CHD2: variants seen among roughly 807,000 people sequenced by gnomAD.
CHD2 encodes chromodomain helicase DNA binding protein 2.
A neutral mutation model predicts 243.9 loss-of-function variants in CHD2; 28 were observed. That is an observed-to-expected ratio of 0.11 (90% CI 0.09 to 0.16). The LOEUF is 0.16. Ranked by LOEUF, CHD2 falls within the 10% of genes least tolerant of loss-of-function variation. The pLI, the probability that CHD2 is intolerant of heterozygous loss-of-function variation, is 1.00. For synonymous variants in CHD2, 775 were observed against 779.0 expected (o/e 0.99, Z 0.09); for missense variants, 1,386 against 2,209.8 (o/e 0.63, Z 7.47).
intron 16 of CHD2, among the ~76,000 whole-genome samples, chr15:92,957,834 A>T (rs1197410876): frequency 1.3e-5 from 2 of 152,192 alleles, no homozygotes; most frequent in African/African-American, 4.8e-5. Context: ...CTGCTTCCAC[A>T]TATAGCCTTA....
At chr15:92,940,890 A>AT (rs1491589163) in intron 7 of CHD2, among the ~76,000 whole-genome samples, 4 of 45,890 alleles carry the variant, frequency 8.7e-5, no homozygotes, top group Admixed American at 3.3e-4. Flanking sequence ...AAATATATAT[A>AT]AAAATATATA....
chr15:92,996,602 T>C (rs374393562), intron 28 of CHD2, among the ~76,000 whole-genome samples: 2 of 152,176 alleles, frequency 1.3e-5, no homozygotes, highest in African/African-American at 4.8e-5. Context: ...TGACCTTCGC[T>C]AGTGGGATGG....
intron 37 of CHD2, among the ~76,000 whole-genome samples, chr15:93,018,124 A>AC (rs1202076372): frequency 6.6e-6 from 1 of 152,184 alleles, no homozygotes; most frequent in Non-Finnish European, 1.5e-5. Context: ...CCTCTACAAA[A>AC]CCACAGACAT....
intron 19 of CHD2, 44 bp from the exon 20 acceptor site, chr15:92,974,835 C>A: frequency 6.4e-7 from 1 of 1,565,686 alleles, no homozygotes; most frequent in Non-Finnish European, 8.8e-7. Context: ...CTGAGTGTAG[C>A]TGATCTTCCT....
rs767758628 is a variant in CHD2 at position 93,024,585 on chromosome 15, A to G, written c.5367A>G (p.Ser1789=). 6.2e-7 allele frequency: 1 copy of G among 1,613,940 alleles called. No individual in the cohort carries two copies. Among genetic ancestry groups the G allele is most frequent in the Non-Finnish European group, 8.5e-7 (1 of 1,179,970 alleles). ...ACCCTGCAGTCTCAGATCCTCGCTCACCCCCTTCTCAGAAATCTCCTCACG... is the reference window on the plus strand; with the variant it reads ...ACCCTGCAGTCTCAGATCCTCGCTCGCCCCCTTCTCAGAAATCTCCTCACG... ...PLHPAVSDPR[S]PPSQKSPHDS... Residue 1789 remains serine, a synonymous_variant, in exon 39 of 39, where the codon TCA becomes TCG. Coordinates refer to ENST00000394196, the MANE Select transcript of CHD2 (RefSeq NM_001271.4).
intron 18 of CHD2, 146 bp from the exon 19 acceptor site, chr15:92,972,119 G>A (rs2053849265): frequency 9.7e-7 from 1 of 1,030,088 alleles, no homozygotes; most frequent in South Asian, 1.7e-5. Flanking sequence ...CTGGGAAAAA[G>A]AACATTTCGG....
intron 13 of CHD2, among the ~76,000 whole-genome samples, chr15:92,950,752 T>TTA (rs2053543200): frequency 7.0e-6 from 1 of 142,428 alleles, no homozygotes; most frequent in Non-Finnish European, 1.5e-5. Flanking sequence ...AACTTCACCT[T>TTA]AAAAAAAAAA....
chr15:92,926,569 T>C (rs935849857), intron 3 of CHD2, among the ~76,000 whole-genome samples: 14 of 152,218 alleles, frequency 9.2e-5, no homozygotes, highest in Admixed American at 2.6e-4. Context: ...ATCTGTCTTT[T>C]AAACTTTTTA....
intron 38 of CHD2, 48 bp from the exon 39 acceptor site, chr15:93,024,324 G>T (rs1455944292): frequency 6.5e-7 from 1 of 1,540,588 alleles, no homozygotes; most frequent in Non-Finnish European, 8.9e-7. Context: ...AGAAGTGGAT[G>T]GGAATCTGGC....
chr15:92,974,709 T>C, intron 19 of CHD2, 170 bp from the exon 20 acceptor site: 1 of 538,192 alleles, frequency 1.9e-6, no homozygotes, highest in Non-Finnish European at 3.3e-6. Context: ...TCAGGTCGAG[T>C]AGGGTAGGGT....
chr15:92,943,210 A>C, intron 9 of CHD2, 142 bp downstream of exon 9: 2 of 656,450 alleles, frequency 3.0e-6, no homozygotes, highest in South Asian at 3.9e-5. Flanking sequence ...TTACAATTCT[A>C]TTTTATAAGA....
chr15:93,013,482 G>A (rs2054418077), intron 36 of CHD2, among the ~76,000 whole-genome samples: 2 of 152,148 alleles, frequency 1.3e-5, no homozygotes, highest in Non-Finnish European at 2.9e-5. Flanking sequence ...CCTACTAGTG[G>A]GAGTATACAT....
At chr15:92,987,634 G>T (rs566371934) in intron 26 of CHD2, among the ~76,000 whole-genome samples, 1 of 151,004 alleles carries the variant, frequency 6.6e-6, no homozygotes, top group Non-Finnish European at 1.5e-5. Flanking sequence ...AAAAAAGATG[G>T]TATCTTAAAA....
Position 92,909,804 on chromosome 15 carries a change from A to G in CHD2, c.62+8505A>G, listed in dbSNP as rs571712486. On this transcript the variant is annotated intron_variant, in intron 2 of 38. Transcript: ENST00000394196. Reference sequence around the variant, plus strand: ...AGTGCTGGGATTACAGATGTGAGCCACCGTACCTGGCCTTCACTTTGGATT... The same window carrying G: ...AGTGCTGGGATTACAGATGTGAGCCGCCGTACCTGGCCTTCACTTTGGATT... Among the ~76,000 whole-genome samples the G allele has an allele frequency of 1.1e-4, 17 of 152,226 alleles. No homozygotes were observed. The South Asian group carries it at 2.1e-3, about 19-fold the overall frequency.
Position 92,924,557 on chromosome 15 carries a change from C to G in CHD2, c.294+5C>G, listed in dbSNP as rs777934535. 1 of 1,612,314 alleles carries G rather than the reference C, an allele frequency of 6.2e-7. No individual in the cohort carries two copies. The highest frequency in any genetic ancestry group is 1.7e-5 in the Admixed American group (1 of 59,998). On this transcript the variant is annotated splice_donor_5th_base_variant and intron_variant, in intron 3 of 38. Transcript: ENST00000394196. ...CGGATAGCTGATGTGAAGAAGGTAT[C>G]TACTTTGCCCTGCAGTACAAATGTG...
chr15:92,943,614 C>T (rs1272366058), intron 9 of CHD2: 5 of 158,860 alleles, frequency 3.1e-5, no homozygotes, highest in Admixed American at 5.9e-5. Flanking sequence ...TGATAGTCCT[C>T]GTGTGTTTAG....
At chr15:92,960,714 T>TTTTG (rs1555441247) in intron 16 of CHD2, among the ~76,000 whole-genome samples, 1 of 141,246 alleles carries the variant, frequency 7.1e-6, no homozygotes, top group Non-Finnish European at 1.6e-5. Flanking sequence ...TGTTTTTTTT[T>TTTTG]TTTTTTTTTT....
intron 3 of CHD2, among the ~76,000 whole-genome samples, chr15:92,927,011 G>T (rs992627338): frequency 6.6e-6 from 1 of 151,992 alleles, no homozygotes; most frequent in Admixed American, 6.6e-5. Context: ...TGGGTAAGCG[G>T]TGTACCATAT....
chr15:93,014,253 A>C (rs1014241791), intron 36 of CHD2, among the ~76,000 whole-genome samples: 3 of 152,118 alleles, frequency 2.0e-5, no homozygotes, highest in Non-Finnish European at 2.9e-5. Context: ...GATAAGGAGT[A>C]ATGTTACTCC....
Sources: allele counts gnomAD v4.1 joint callset (sites outside exome capture counted in the v4.1 genomes callset), GRCh38; gene constraint gnomAD v4.1.1; transcripts MANE v1.5; gene names NCBI Gene and HGNC (gene_info 2026-07-23, HGNC 2026-07-21).